SP110: variants seen among roughly 807,000 people sequenced by gnomAD.
The protein encoded by SP110 is SP110 nuclear body protein, also known as interferon-induced protein 41, 30kD.
Under a neutral mutation model 92.7 loss-of-function variants are expected in SP110, and 62 were observed. The ratio of observed to expected loss-of-function variants is 0.67; its 90% confidence interval spans 0.55 to 0.83. The LOEUF (loss-of-function observed/expected upper bound fraction) is 0.83, where lower values mean the gene tolerates loss of function less well. Among genes scored for constraint, SP110 ranks in the 40% least tolerant of loss-of-function variants. The pLI, the probability that SP110 is intolerant of heterozygous loss-of-function variation, is 0.00. For missense variants in SP110, 793 were observed against 863.9 expected (o/e 0.92, Z 1.03); for synonymous variants, 273 against 305.3 (o/e 0.89, Z 1.10).
chr2:230,186,131 G>C lies in SP110; in HGVS notation c.1142C>G (p.Pro381Arg). The C allele has an allele frequency of 6.2e-7, 1 of 1,614,076 alleles. No individual in the cohort carries two copies. The highest frequency in any genetic ancestry group is 1.3e-5 in the African/African-American group (1 of 75,020). Reference protein sequence around the residue: ...PRRVTQGAASPGHGIQEKLQV... With the variant: ...PRRVTQGAASRGHGIQEKLQV... ...GAGCTTCTCTTGGATGCCATGCCCAGGTGAGGCTGCCCCTGGACCAAATAG... is the reference window on the plus strand; with the variant it reads ...GAGCTTCTCTTGGATGCCATGCCCACGTGAGGCTGCCCCTGGACCAAATAG... The change falls in exon 11 of 19, where the codon CCT becomes CGT. Residue 381 changes from proline (P) to arginine (R), a missense_variant. Coordinates refer to ENST00000258381, the MANE Select transcript of SP110 (RefSeq NM_080424.4).
chr2:230,222,057 G>A (rs1172503953), upstream of SP110, among the ~76,000 whole-genome samples: 10 of 152,126 alleles, frequency 6.6e-5, no homozygotes, highest in Admixed American at 2.6e-4. Flanking sequence ...GCAAAATCCC[G>A]TCTCTACTAA....
At position 230,212,936 on chromosome 2, in the gene SP110, T is replaced by G. The variant is rs1440981238; in HGVS notation, c.408A>C (p.Pro136=). The part of the protein sequence containing the change: ...GLAEGSSLHT[P]LALPPPQPPQ... ...GGGGTTGTGGTGGGGGCAGCGCCAG[T>G]GGGGTATGGAGGGAGCTTCCTTCTG... Residue 136 remains proline (P), a synonymous_variant, in exon 4 of 19, where the codon CCA becomes CCC. Transcript: ENST00000258381. 2 of 1,613,874 alleles carry G rather than the reference T, an allele frequency of 1.2e-6. No homozygotes were observed. The highest frequency in any genetic ancestry group is 4.5e-5 in the East Asian group (2 of 44,856).
At chr2:230,195,053 AT>A (rs1195930076) in intron 10 of SP110, among the ~76,000 whole-genome samples, 16 of 145,036 alleles carry the variant, frequency 1.1e-4, no homozygotes, top group Admixed American at 2.7e-4. Context: ...TGTCTTGGGC[AT>A]TTTTTTTTTC....
chr2:230,169,093 G>GT lies in SP110; in HGVS notation c.*30dup. On this transcript the variant is annotated 3_prime_UTR_variant, in exon 19 of 19. Coordinates refer to ENST00000258381, the MANE Select transcript of SP110 (RefSeq NM_080424.4). ...AGGGTCCCATCAGCTGAATCCTGAG[G>GT]TGGGGATGCTTCAGTCTTTACAGAA... 1 of 1,389,750 alleles carries GT rather than the reference G, an allele frequency of 7.2e-7. No homozygotes were observed. Among genetic ancestry groups the GT allele is most frequent in the Non-Finnish European group, 1.0e-6 (1 of 975,668 alleles). The allele number at this position is 1,389,750 out of a possible 1,614,324, so 86.1% of individuals were successfully genotyped here. A position where few individuals can be genotyped will look rare whatever the true frequency, so the allele number is the denominator to read the frequency against.
chr2:230,186,892 C>G (rs1235235038), intron 10 of SP110, among the ~76,000 whole-genome samples: 1 of 152,122 alleles, frequency 6.6e-6, no homozygotes, highest in Non-Finnish European at 1.5e-5. Context: ...ATTTTCTTTA[C>G]ACATTCATTG....
intron 11 of SP110, among the ~76,000 whole-genome samples, chr2:230,184,718 G>C (rs1198816258): frequency 1.3e-5 from 2 of 151,546 alleles, no homozygotes; most frequent in East Asian, 1.9e-4. Flanking sequence ...AAAATGGCCA[G>C]TCTTATAGAA....
chr2:230,182,092 G>C (rs2042152822), intron 12 of SP110, among the ~76,000 whole-genome samples: 1 of 152,206 alleles, frequency 6.6e-6, no homozygotes, highest in African/African-American at 2.4e-5. Flanking sequence ...TAAAGAATAT[G>C]TGGTACATAT....
Position 230,167,527 on chromosome 2 carries a change from A to G in SP110, c.*1597T>C, listed in dbSNP as rs1478043678. 1 of 152,188 alleles carries G rather than the reference A, an allele frequency of 6.6e-6. No individual in the cohort carries two copies. Among genetic ancestry groups the G allele is most frequent in the African/African-American group, 2.4e-5 (1 of 41,436 alleles). The allele number at this position is 152,188 out of a possible 1,614,324, so 9.4% of individuals were successfully genotyped here. On this transcript the variant is annotated 3_prime_UTR_variant, in exon 19 of 19. Transcript: ENST00000258381. ...GAGGAGTGTCCTTTGCATTTGGGAA[A>G]GATGTGAACTACTGTGGCCAGAGGG...
intron 11 of SP110, among the ~76,000 whole-genome samples, chr2:230,184,174 A>C (rs1347118591): frequency 1.3e-5 from 2 of 152,342 alleles, no homozygotes; most frequent in Admixed American, 1.3e-4. Flanking sequence ...TTTTTAACTT[A>C]TAAATTGTTT....
intron 10 of SP110, among the ~76,000 whole-genome samples, chr2:230,195,887 T>A (rs1386361564): frequency 6.6e-6 from 1 of 152,084 alleles, no homozygotes; most frequent in African/African-American, 2.4e-5. Flanking sequence ...GTTAATATCC[T>A]TATTAGATAA....
rs140950626 is a variant in SP110 at position 230,166,647 on chromosome 2, T to C, written c.*2477A>G. On this transcript the variant is annotated 3_prime_UTR_variant, in exon 19 of 19. Transcript: ENST00000258381. ...AATCAACTTAGTTTGTTTTTCATAGTGATCTGAGTGTTAAAATTCTGTTAA... is the reference window on the plus strand; with the variant it reads ...AATCAACTTAGTTTGTTTTTCATAGCGATCTGAGTGTTAAAATTCTGTTAA... Among the ~76,000 whole-genome samples, 177 of 152,334 alleles carry C rather than the reference T, an allele frequency of 1.2e-3. No individual in the cohort carries two copies. Among genetic ancestry groups the C allele is most frequent in the African/African-American group, 4.2e-3 (174 of 41,576 alleles).
At chr2:230,179,975 T>C (rs2042055172) in intron 12 of SP110, among the ~76,000 whole-genome samples, 1 of 152,134 alleles carries the variant, frequency 6.6e-6, no homozygotes, top group South Asian at 2.1e-4. Context: ...TTCCTAATAG[T>C]GCTAAGTCTG....
At chr2:230,216,714 T>G in intron 2 of SP110, 67 bp downstream of exon 2, 3 of 1,594,398 alleles carry the variant, frequency 1.9e-6, no homozygotes, top group Non-Finnish European at 2.6e-6. Context: ...GTTTGTGGTT[T>G]GAGACTTTAA....
chr2:230,170,837 A>C (rs1035903562), intron 17 of SP110, 76 bp from the exon 18 acceptor site: 17 of 1,455,238 alleles, frequency 1.2e-5, no homozygotes, highest in Non-Finnish European at 1.5e-5. Context: ...AATACAATCC[A>C]AGCCTTCATT....
chr2:230,175,945 C>CTTTTTTTTTTTTTTTTTTT (rs34906767), intron 14 of SP110, among the ~76,000 whole-genome samples: 2 of 130,744 alleles, frequency 1.5e-5, no homozygotes, highest in Non-Finnish European at 3.3e-5. Flanking sequence ...CTGCAGCATT[C>CTTTTTTTTTTTTTTTTTTT]TTTTTTTTTT....
chr2:230,186,227 T>G, intron 10 of SP110, 84 bp from the exon 11 acceptor site: 1 of 1,301,552 alleles, frequency 7.7e-7, no homozygotes, highest in Non-Finnish European at 1.1e-6. Context: ...TATCTTGCCA[T>G]TTCTCTATAA....
chr2:230,217,245 C>CAAAAAAAAAA (rs6147220), intron 1 of SP110, among the ~76,000 whole-genome samples: 1 of 79,790 alleles, frequency 1.3e-5, no homozygotes, highest in African/African-American at 4.9e-5. Context: ...GACTCCATCT[C>CAAAAAAAAAA]AAAAAAAAAA....
intron 8 of SP110, among the ~76,000 whole-genome samples, chr2:230,207,512 C>T (rs2148893951): frequency 6.6e-6 from 1 of 152,218 alleles, no homozygotes; most frequent in African/African-American, 2.4e-5. Context: ...CTAGCAGAAA[C>T]CTCTAAAGGA....
upstream of SP110, among the ~76,000 whole-genome samples, chr2:230,220,634 G>A (rs1264770827): frequency 6.6e-6 from 1 of 152,126 alleles, no homozygotes. Flanking sequence ...GTAACTCAAG[G>A]GCTGGCAGGG....
Sources: gnomAD v4.1 joint callset for allele counts (sites outside exome capture counted in the v4.1 genomes callset) on GRCh38, gnomAD v4.1.1 for gene constraint, MANE v1.5 for transcripts, NCBI Gene and HGNC (gene_info 2026-07-23, HGNC 2026-07-21) for gene names.